The following TRA2A variants were observed in gnomAD, a reference collection of about 807,000 sequenced individuals.
TRA2A encodes transformer 2 alpha homolog.
In TRA2A, 31 loss-of-function variants were observed where a neutral mutation model predicts 45.7. The ratio of observed to expected loss-of-function variants is 0.68; its 90% confidence interval spans 0.51 to 0.92. TRA2A has a LOEUF of 0.92. Ranked by LOEUF, TRA2A falls within the 40% of genes least tolerant of loss-of-function variation. The pLI is 0.00. For synonymous variants in TRA2A, 132 were observed against 126.2 expected (o/e 1.05, Z -0.31); for missense variants, 304 against 367.5 (o/e 0.83, Z 1.41).
At chr7:23,529,163 T>C (rs1716260164) in intron 1 of TRA2A, among the ~76,000 whole-genome samples, 1 of 152,254 alleles carries the variant, frequency 6.6e-6, no homozygotes, top group African/African-American at 2.4e-5. Context: ...GTTGAAGCTG[T>C]ATTGAGGCAA....
At chr7:23,525,763 TG>T (rs1790314129) in intron 1 of TRA2A, among the ~76,000 whole-genome samples, 1 of 152,158 alleles carries the variant, frequency 6.6e-6, no homozygotes, top group South Asian at 2.1e-4. Context: ...GGCTAACTTT[TG>T]TATTTTATTT....
chr7:23,510,843 TA>T (rs377068843), intron 4 of TRA2A, among the ~76,000 whole-genome samples: 3,317 of 146,920 alleles, frequency 0.023, 130 homozygotes, highest in African/African-American at 0.078. Context: ...TACGTAACAG[TA>T]AAAAAAAAAA....
chr7:23,518,955 T>C (rs1241138067), intron 2 of TRA2A, among the ~76,000 whole-genome samples: 3 of 152,194 alleles, frequency 2.0e-5, no homozygotes, highest in African/African-American at 7.2e-5. Flanking sequence ...CCCAAAGTGC[T>C]GGGGTTATAG....
chr7:23,531,718 A>G, intron 1 of TRA2A, 71 bp downstream of exon 1: 1 of 1,580,992 alleles, frequency 6.3e-7, no homozygotes, highest in Non-Finnish European at 8.6e-7. Flanking sequence ...ACCCCGCCCG[A>G]CCGCGCTTGT....
At chr7:23,509,701 C>T (rs545113658) in intron 4 of TRA2A, among the ~76,000 whole-genome samples, 2 of 150,592 alleles carry the variant, frequency 1.3e-5, no homozygotes, top group Non-Finnish European at 3.0e-5. Flanking sequence ...CCACTGCCCT[C>T]CAGCCTGGCA....
At chr7:23,512,694 G>A (rs963840795) in intron 4 of TRA2A, among the ~76,000 whole-genome samples, 200 bp downstream of exon 4, 2 of 151,144 alleles carry the variant, frequency 1.3e-5, no homozygotes, top group African/African-American at 4.9e-5. Context: ...TCCTGACCTC[G>A]TGATCCACCT....
rs762294999 is a variant in TRA2A, at chr7:23,521,807, T to A, written c.70A>T (p.Thr24Ser). The change falls in exon 2 of 8, where the codon ACT (threonine) becomes TCT (serine). Residue 24 changes from threonine to serine, a missense_variant. By Grantham distance (58) the Thr-to-Ser change is moderately conservative. Coordinates refer to ENST00000297071, the MANE Select transcript of TRA2A (RefSeq NM_013293.5). Reference protein sequence around the residue: ...SRSQSKSPTGTPARVKSESRS... With the variant: ...SRSQSKSPTGSPARVKSESRS... ...CTCTCCGATTTTACACGAGCAGGAG[T>A]TCCCGTTGGAGATTTTGACTGAGAG... The A allele has an allele frequency of 6.2e-7, 1 of 1,613,930 alleles. No homozygotes were observed. The highest frequency in any genetic ancestry group is 2.2e-5 in the East Asian group (1 of 44,878).
intron 1 of TRA2A, chr7:23,531,347 C>A (rs1790574366): frequency 2.8e-6 from 2 of 702,424 alleles, no homozygotes; most frequent in Non-Finnish European, 1.8e-6. Flanking sequence ...AGCAGCCCCG[C>A]GCACTTTCGA....
At position 23,521,803 on chromosome 7, in the gene TRA2A, G is replaced by A. The variant is rs768998294; in HGVS notation, c.74C>T (p.Pro25Leu). The A allele has an allele frequency of 6.2e-7, 1 of 1,614,018 alleles. No individual in the cohort carries two copies. The highest frequency in any genetic ancestry group is 8.5e-7 in the Non-Finnish European group (1 of 1,180,048). ...CCTGCTCTCCGATTTTACACGAGCA[G>A]GAGTTCCCGTTGGAGATTTTGACTG... ...RSQSKSPTGT[P>L]ARVKSESRSG... The change falls in exon 2 of 8, where the codon CCT becomes CTT. Residue 25 changes from proline to leucine, a missense_variant. Pro to Leu is a moderately conservative substitution (Grantham distance 98). This residue lies in a region of TRA2A where 132 missense variants were observed against 113.4 expected (regional missense o/e 1.16). Transcript: ENST00000297071.
chr7:23,521,822 T>C lies in TRA2A; in HGVS notation c.55A>G (p.Lys19Glu), dbSNP rs1456348600. The C allele has an allele frequency of 1.2e-5, 19 of 1,614,038 alleles. No homozygotes were observed. Among genetic ancestry groups the C allele is most frequent in the Non-Finnish European group, 1.4e-5 (17 of 1,180,034 alleles). Residue 19 changes from lysine (K) to glutamate (E), a missense_variant, in exon 2 of 8, where the codon AAA (lysine) becomes GAA (glutamate). By Grantham distance (56) the Lys-to-Glu change is moderately conservative (BLOSUM62 1). This residue lies in a region of TRA2A where 132 missense variants were observed against 113.4 expected (regional missense o/e 1.16). Transcript: ENST00000297071. ...FEGRESRSQS[K>E]SPTGTPARVK... ...CGAGCAGGAGTTCCCGTTGGAGATT[T>C]TGACTGAGAGCGAGACTCCTAACAA... is the stretch of plus-strand genomic sequence containing the variant.
chr7:23,506,304 G>A, intron 5 of TRA2A, 38 bp from the exon 6 acceptor site: 2 of 1,534,796 alleles, frequency 1.3e-6, no homozygotes, highest in African/African-American at 1.4e-5. Flanking sequence ...TAGTGTGAAT[G>A]ACTATTTTCC....
At chr7:23,509,262 T>A (rs561955232) in intron 4 of TRA2A, among the ~76,000 whole-genome samples, 2 of 151,396 alleles carry the variant, frequency 1.3e-5, no homozygotes, top group Admixed American at 1.3e-4. Context: ...CTGCACCCCA[T>A]CCTAAGCACC....
intron 2 of TRA2A, among the ~76,000 whole-genome samples, chr7:23,518,015 T>C (rs1789964820): frequency 1.3e-5 from 2 of 152,040 alleles, no homozygotes; most frequent in Admixed American, 6.5e-5. Flanking sequence ...CTCAGCTCAC[T>C]GCAACCTCTC....
chr7:23,506,233 ACCGCCG>A lies in TRA2A; in HGVS notation c.669_674del (p.Gly230_Gly231del), dbSNP rs1562784440. On this transcript the variant is annotated inframe_deletion, in exon 6 of 8. Transcript: ENST00000297071. ...GACGTCTGCCACCACCTCCACCTCC[ACCGCCG>A]CCGCCTCCTCCACCACCCCCACCAC... 6 of 1,607,302 alleles carry A rather than the reference ACCGCCG, an allele frequency of 3.7e-6. No individual in the cohort carries two copies. Among genetic ancestry groups the A allele is most frequent in the Non-Finnish European group, 5.1e-6 (6 of 1,174,660 alleles).
At chr7:23,517,283 C>A (rs1789916822) in intron 2 of TRA2A, among the ~76,000 whole-genome samples, 2 of 150,342 alleles carry the variant, frequency 1.3e-5, no homozygotes, top group African/African-American at 4.9e-5. Context: ...GAGATCGAGA[C>A]CATCCTGGCT....
intron 3 of TRA2A, 151 bp from the exon 4 acceptor site, chr7:23,513,233 T>C: frequency 1.6e-6 from 1 of 611,528 alleles, no homozygotes; most frequent in Admixed American, 3.3e-5. Flanking sequence ...CTAGAGCAGA[T>C]GAGCCATATT....
rs960060914 is a variant in TRA2A, at chr7:23,518,390, G to A, written c.171-1862C>T. Among the ~76,000 whole-genome samples the A allele has an allele frequency of 1.3e-5, 2 of 152,236 alleles. 1 individual carries two copies. Among genetic ancestry groups the A allele is most frequent in the Middle Eastern group, 6.8e-3 (2 of 294 alleles). On this transcript the variant is annotated intron_variant, in intron 2 of 7. Coordinates refer to ENST00000297071, the MANE Select transcript of TRA2A (RefSeq NM_013293.5). ...AGAGTCTCACTTCTTCACCCAGGCT[G>A]GAGTGCAATGGCACAATCTCAGCTC...
chr7:23,506,454 C>T (rs1284930103), intron 5 of TRA2A, 188 bp from the exon 6 acceptor site: 2 of 552,112 alleles, frequency 3.6e-6, no homozygotes, highest in East Asian at 3.0e-5. Context: ...CATACATAAT[C>T]AAGAAGGGCT....
intron 1 of TRA2A, among the ~76,000 whole-genome samples, chr7:23,528,626 A>T (rs1464246167): frequency 1.3e-5 from 2 of 151,854 alleles, no homozygotes; most frequent in Admixed American, 6.6e-5. Context: ...AAAAATCTAT[A>T]CACACAAATC....
Sources: allele counts gnomAD v4.1 joint callset (sites outside exome capture counted in the v4.1 genomes callset), GRCh38; gene constraint gnomAD v4.1.1; regional missense constraint gnomAD v4.1.1; transcripts MANE v1.5; gene names NCBI Gene and HGNC (gene_info 2026-07-23, HGNC 2026-07-21).